Variants in M1AP observed in about 807,000 individuals in gnomAD.
The protein encoded by M1AP is meiosis 1 arrest protein.
A neutral mutation model predicts 51.2 loss-of-function variants in M1AP; 39 were observed. The observed-to-expected ratio is 0.76, with a 90% confidence interval of 0.59 to 1.00. M1AP has a LOEUF of 1.00. Among genes scored for constraint, M1AP ranks in the 50% least tolerant of loss-of-function variants. The pLI is 0.00. For missense variants in M1AP, 545 were observed against 641.2 expected (o/e 0.85, Z 1.62); for synonymous variants, 251 against 249.2 (o/e 1.01, Z -0.07).
intron 2 of M1AP, among the ~76,000 whole-genome samples, chr2:74,632,615 T>C (rs1682767811): frequency 6.6e-6 from 1 of 152,200 alleles, no homozygotes; most frequent in Non-Finnish European, 1.5e-5. Context: ...TGCACTTATC[T>C]TCAACCAGTG....
At position 74,581,742 on chromosome 2, in the gene M1AP, T is replaced by C; in HGVS notation, c.701A>G (p.Gln234Arg). The C allele has an allele frequency of 6.2e-7, 1 of 1,614,158 alleles. No individual in the cohort carries two copies. Among genetic ancestry groups the C allele is most frequent in the Non-Finnish European group, 8.5e-7 (1 of 1,179,982 alleles). ...AGAAAGAAGAAGATGGATTTGTTCT[T>C]GGTCTGTTCCACTGTTATGTAGCCA... ...KAWLHNSGTD[Q>R]EQIHLLLSSQ... The change falls in exon 5 of 11, where the codon CAA becomes CGA. Residue 234 changes from glutamine to arginine, a missense_variant. Physicochemically the swap from Gln to Arg is conservative, Grantham distance 43. Coordinates refer to ENST00000421985, the MANE Select transcript of M1AP (RefSeq NM_001321739.2).
At chr2:74,601,434 G>A (rs1021391698) in intron 4 of M1AP, among the ~76,000 whole-genome samples, 1 of 152,020 alleles carries the variant, frequency 6.6e-6, no homozygotes, top group African/African-American at 2.4e-5. Flanking sequence ...TGTAAGGAGG[G>A]CAATTCAGTA....
intron 7 of M1AP, among the ~76,000 whole-genome samples, chr2:74,571,195 C>T (rs1328978855): frequency 6.6e-6 from 1 of 152,110 alleles, no homozygotes; most frequent in African/African-American, 2.4e-5. Flanking sequence ...GTGAGACAAG[C>T]AGTGGGAACA....
intron 4 of M1AP, among the ~76,000 whole-genome samples, chr2:74,583,823 A>C (rs1679550929): frequency 6.6e-6 from 1 of 152,256 alleles, no homozygotes; most frequent in Non-Finnish European, 1.5e-5. Flanking sequence ...AACTGTGGTG[A>C]AAATGACTTC....
chr2:74,592,220 T>C (rs889928131), intron 4 of M1AP, among the ~76,000 whole-genome samples: 1 of 152,206 alleles, frequency 6.6e-6, no homozygotes, highest in African/African-American at 2.4e-5. Context: ...ATTAGATTCC[T>C]AGAAGTGGGG....
intron 2 of M1AP, among the ~76,000 whole-genome samples, chr2:74,629,764 T>A (rs1179200155): frequency 1.3e-5 from 2 of 148,936 alleles, no homozygotes; most frequent in African/African-American, 5.1e-5. Context: ...AAAAAAAAAA[T>A]GTATAAAATT....
intron 2 of M1AP, among the ~76,000 whole-genome samples, chr2:74,637,494 G>A (rs558763659): frequency 6.6e-6 from 1 of 152,298 alleles, no homozygotes; most frequent in Admixed American, 6.5e-5. Context: ...TTGAATGTCA[G>A]ACAGTATGAA....
chr2:74,638,123 C>T (rs1308994216), intron 2 of M1AP, among the ~76,000 whole-genome samples: 2 of 151,652 alleles, frequency 1.3e-5, no homozygotes, highest in Non-Finnish European at 2.9e-5. Context: ...GGCGCGACCT[C>T]GGCTCACTAC....
chr2:74,599,717 T>G (rs1680562818), intron 4 of M1AP, among the ~76,000 whole-genome samples: 1 of 152,166 alleles, frequency 6.6e-6, no homozygotes, highest in Non-Finnish European at 1.5e-5. Context: ...TCTTTACTTC[T>G]AAAATATAGA....
At chr2:74,595,549 A>G (rs1680281901) in intron 4 of M1AP, among the ~76,000 whole-genome samples, 1 of 151,968 alleles carries the variant, frequency 6.6e-6, no homozygotes, top group Non-Finnish European at 1.5e-5. Context: ...ATGGGGTTTC[A>G]TCATGTTGCC....
chr2:74,598,110 G>A (rs1396121774), intron 4 of M1AP, among the ~76,000 whole-genome samples: 2 of 152,038 alleles, frequency 1.3e-5, no homozygotes, highest in African/African-American at 2.4e-5. Flanking sequence ...AGCTGGATGC[G>A]CTGGCTCACA....
chr2:74,582,609 A>G (rs745760832), intron 4 of M1AP, among the ~76,000 whole-genome samples: 11 of 152,218 alleles, frequency 7.2e-5, no homozygotes, highest in Non-Finnish European at 1.5e-4. Flanking sequence ...GCTATCATCA[A>G]ACTGTTAACA....
chr2:74,586,971 T>C (rs191205702), intron 4 of M1AP, among the ~76,000 whole-genome samples: 15 of 147,938 alleles, frequency 1.0e-4, no homozygotes, highest in African/African-American at 3.3e-4. Context: ...CATTGCACAC[T>C]AGCCTGGGCA....
rs753660707 is a variant in M1AP, at chr2:74,621,945, TAAAA to T, written c.241-6800_241-6797del. On this transcript the variant is annotated intron_variant, in intron 2 of 10. Coordinates refer to ENST00000421985, the MANE Select transcript of M1AP (RefSeq NM_001321739.2). ...CAACATGGTGAAACCCCACATCTAC[TAAAA>T]AAAAAAAAAAAAATACAAAAATGAG... 2.4e-5 allele frequency among the ~76,000 whole-genome samples: 3 copies of T among 122,862 alleles called. No individual in the cohort carries two copies. In the Admixed American group the frequency reaches 2.5e-4, roughly 10 times the overall value. The allele number at this position is 122,862 out of a possible 152,430, so 80.6% of individuals were successfully genotyped here.
Position 74,562,343 on chromosome 2 carries a change from A to C in M1AP, c.1155T>G (p.Tyr385Ter), listed in dbSNP as rs767262447. ...TGAGGGAGTGTGACGGCATGATCAC[A>C]TAGAAGGTGCTGGCAGGAATTCTCT... ...HSQRIPASTF[Y>*]VIMPSHSLTL... The change falls in exon 8 of 11, where the codon TAT becomes TAG. Residue 385 changes from tyrosine to a stop codon, truncating the protein, a stop_gained. Coordinates refer to ENST00000421985, the MANE Select transcript of M1AP (RefSeq NM_001321739.2). LOFTEE classifies it high-confidence loss of function. The C allele has an allele frequency of 6.2e-7, 1 of 1,614,228 alleles. No homozygotes were observed. Among genetic ancestry groups the C allele is most frequent in the Non-Finnish European group, 8.5e-7 (1 of 1,180,038 alleles).
At chr2:74,634,787 A>G (rs1682889002) in intron 2 of M1AP, among the ~76,000 whole-genome samples, 1 of 152,176 alleles carries the variant, frequency 6.6e-6, no homozygotes, top group African/African-American at 2.4e-5. Context: ...AATATGGTAT[A>G]CTACTTTGAT....
intron 1 of M1AP, among the ~76,000 whole-genome samples, chr2:74,646,147 G>A (rs906685680): frequency 3.3e-5 from 5 of 152,170 alleles, no homozygotes; most frequent in South Asian, 4.1e-4. Context: ...TTGGTGACCC[G>A]TCACTGCAGA....
At position 74,647,641 on chromosome 2, in the gene M1AP, C is replaced by G. The variant is rs147459900; in HGVS notation, c.-53+624G>C. On this transcript the variant is annotated intron_variant, in intron 1 of 10. Coordinates refer to ENST00000421985, the MANE Select transcript of M1AP (RefSeq NM_001321739.2). ...GGGCACGGTGGCTCACGCCTGTAAT[C>G]GCAGCACTTTAGGAGGCCGAGGCGG... Among the ~76,000 whole-genome samples, 288 of 152,268 alleles carry G rather than the reference C, an allele frequency of 1.9e-3. 4 individuals carry two copies. Among genetic ancestry groups the G allele is most frequent in the African/African-American group, 6.6e-3 (274 of 41,558 alleles).
chr2:74,628,969 G>A (rs2104797205), intron 2 of M1AP: 1 of 269,210 alleles, frequency 3.7e-6, no homozygotes, highest in South Asian at 5.0e-5. Context: ...AAATAATGGT[G>A]ATGATACTAA....
Sources: gnomAD v4.1 joint callset for allele counts (sites outside exome capture counted in the v4.1 genomes callset) on GRCh38, gnomAD v4.1.1 for gene constraint, MANE v1.5 for transcripts, NCBI Gene and HGNC (gene_info 2026-07-23, HGNC 2026-07-21) for gene names.